The following CFAP96 variants were observed in gnomAD, a reference collection of about 807,000 sequenced individuals.
CFAP96 encodes cilia and flagella associated protein 96.
At chr4:185,418,854 T>C in the CFAP96 span, 105 of 1,095,658 alleles carry the variant, frequency 9.6e-5, no homozygotes, top group South Asian at 2.9e-4. Flanking sequence ...AAGTAGAGCA[T>C]AGTAAAACTC....
At chr4:185,433,540 T>TA in the CFAP96 span, among the ~76,000 whole-genome samples, 1 of 151,962 alleles carries the variant, frequency 6.6e-6, no homozygotes, top group Admixed American at 6.6e-5. Flanking sequence ...TAAAACTACT[T>TA]TGTATAACTT....
chr4:185,427,064 C>CAA, the CFAP96 span, among the ~76,000 whole-genome samples: 124 of 136,016 alleles, frequency 9.1e-4, no homozygotes, highest in African/African-American at 3.0e-3. Context: ...GACTCCGTCT[C>CAA]AAAAAAAAAA....
At chr4:185,410,041 T>C in the CFAP96 span, among the ~76,000 whole-genome samples, 55 of 152,336 alleles carry the variant, frequency 3.6e-4, no homozygotes, top group African/African-American at 1.2e-3. Context: ...CCATCAAATA[T>C]GTTATTATTT....
chr4:185,439,314 G>C, the CFAP96 span, among the ~76,000 whole-genome samples: 4 of 152,148 alleles, frequency 2.6e-5, no homozygotes, highest in Non-Finnish European at 4.4e-5. Flanking sequence ...GAAGGGTGGA[G>C]AGCAGATCAC....
the CFAP96 span, chr4:185,445,023 T>A: frequency 6.4e-7 from 1 of 1,551,620 alleles, no homozygotes; most frequent in Non-Finnish European, 8.7e-7. Context: ...CTGACCCTTA[T>A]GTGGCTAAAT....
chr4:185,445,449 C>A, the CFAP96 span: 1 of 1,251,018 alleles, frequency 8.0e-7, no homozygotes, highest in Non-Finnish European at 1.2e-6. Context: ...GTTAGCAGTA[C>A]AATTAACATT....
At chr4:185,412,927 C>T in the CFAP96 span, among the ~76,000 whole-genome samples, 1 of 152,116 alleles carries the variant, frequency 6.6e-6, no homozygotes, top group South Asian at 2.1e-4. Flanking sequence ...CCAATTCACT[C>T]TTATTTGAGC....
chr4:185,421,612 G>T, the CFAP96 span, among the ~76,000 whole-genome samples: 1 of 152,178 alleles, frequency 6.6e-6, no homozygotes, highest in Non-Finnish European at 1.5e-5. Flanking sequence ...CTCACCAGCA[G>T]CAGATGCTGG....
At chr4:185,440,625 C>A in the CFAP96 span, 1 of 1,530,484 alleles carries the variant, frequency 6.5e-7, no homozygotes, top group Non-Finnish European at 8.8e-7. Flanking sequence ...GACGCTAATC[C>A]TTATTTTTCT....
At chr4:185,436,142 G>T in the CFAP96 span, 1 of 1,551,338 alleles carries the variant, frequency 6.4e-7, no homozygotes. Context: ...CACCTGGAAA[G>T]AATTTATACA....
the CFAP96 span, among the ~76,000 whole-genome samples, chr4:185,435,273 G>A: frequency 8.3e-4 from 127 of 152,234 alleles, 4 homozygotes; most frequent in South Asian, 0.025. Context: ...ATAAGCAATC[G>A]GTGTTGATGT....
At chr4:185,419,739 G>C in the CFAP96 span, among the ~76,000 whole-genome samples, 1 of 152,220 alleles carries the variant, frequency 6.6e-6, no homozygotes, top group Non-Finnish European at 1.5e-5. Context: ...ATTGTAGCAT[G>C]AATCAGTACT....
chr4:185,432,919 CTT>C, the CFAP96 span, among the ~76,000 whole-genome samples: 1 of 151,398 alleles, frequency 6.6e-6, no homozygotes, highest in Admixed American at 6.6e-5. Flanking sequence ...GAGACAGAGT[CTT>C]GCTCTGTTGC....
the CFAP96 span, among the ~76,000 whole-genome samples, chr4:185,427,707 C>T: frequency 6.6e-6 from 1 of 151,080 alleles, no homozygotes; most frequent in Non-Finnish European, 1.5e-5. Flanking sequence ...TTGCAGTGAG[C>T]TGAGATAGCG....
At chr4:185,415,741 T>C in the CFAP96 span, 5 of 1,613,118 alleles carry the variant, frequency 3.1e-6, no homozygotes, top group East Asian at 8.9e-5. Flanking sequence ...GCAACAGATA[T>C]AACTGCATCG....
chr4:185,436,349 T>G, the CFAP96 span: 1 of 1,544,774 alleles, frequency 6.5e-7, no homozygotes, highest in South Asian at 1.2e-5. Flanking sequence ...GCAGCAAAAC[T>G]AAAGTATAAG....
chr4:185,428,314 C>T, the CFAP96 span, among the ~76,000 whole-genome samples: 1 of 152,034 alleles, frequency 6.6e-6, no homozygotes, highest in African/African-American at 2.4e-5. Context: ...TGGCTCATGC[C>T]TGTAATCCCA....
chr4:185,428,171 C>T, the CFAP96 span, among the ~76,000 whole-genome samples: 1 of 152,010 alleles, frequency 6.6e-6, no homozygotes, highest in Non-Finnish European at 1.5e-5. Flanking sequence ...TATGTATGCC[C>T]AGTGCTTAGC....
chr4:185,415,293 T>A, the CFAP96 span: 3 of 1,601,870 alleles, frequency 1.9e-6, no homozygotes, highest in African/African-American at 2.7e-5. Context: ...TCAAAATACA[T>A]TTTTCCATGT....
Sources: gnomAD v4.1 joint callset for allele counts (sites outside exome capture counted in the v4.1 genomes callset) on GRCh38, gnomAD v4.1.1 for gene constraint, MANE v1.5 for transcripts, NCBI Gene and HGNC (gene_info 2026-07-23, HGNC 2026-07-21) for gene names.